Variants in LRRC18 observed in about 807,000 individuals in gnomAD.
LRRC18 encodes leucine rich repeat containing 18.
Under a neutral mutation model 11.2 loss-of-function variants are expected in LRRC18, and 12 were observed. The observed-to-expected ratio is 1.07, with a 90% CI of 0.69 to 1.74. The LOEUF (loss-of-function observed/expected upper bound fraction) is 1.74, where lower values mean the gene tolerates loss of function less well. Among genes scored for constraint, LRRC18 ranks in the 40% most tolerant of loss-of-function variants. LRRC18 has a pLI of 0.00. For synonymous variants in LRRC18, 155 were observed against 130.6 expected, an observed-to-expected ratio of 1.19 and a Z score of -1.27; for missense variants, 374 against 330.5, an observed-to-expected ratio of 1.13 and a Z score of -1.02.
At chr10:48,925,844 A>G in the LRRC18 span, among the ~76,000 whole-genome samples, 1 of 152,164 alleles carries the variant, frequency 6.6e-6, no homozygotes, top group Non-Finnish European at 1.5e-5. Flanking sequence ...TCATGGTACC[A>G]AAGTAATTGC....
chr10:48,913,544 C>T lies in LRRC18; in HGVS notation c.612G>A (p.Lys204=), dbSNP rs754530174. Residue 204 remains lysine (K), a synonymous_variant, in exon 1 of 2, where the codon AAG becomes AAA. Coordinates refer to ENST00000374160, the Ensembl canonical transcript of LRRC18. ...TTCTCAGGCAAGCCGCACACAGATC[C>T]TTCTCCTCCACAACATACAAGTTCT... The T allele has an allele frequency of 6.2e-6, 10 of 1,614,000 alleles. No individual in the cohort carries two copies. In the Admixed American group the frequency reaches 1.5e-4, roughly 24 times the overall value.
At chr10:48,923,186 A>G in the LRRC18 span, among the ~76,000 whole-genome samples, 1 of 152,130 alleles carries the variant, frequency 6.6e-6, no homozygotes, top group African/African-American at 2.4e-5. Context: ...TGCCCCTGAA[A>G]GGGCATCCAA....
chr10:48,915,674 C>A (rs1468631107), upstream of LRRC18, among the ~76,000 whole-genome samples: 1 of 152,178 alleles, frequency 6.6e-6, no homozygotes, highest in African/African-American at 2.4e-5. Context: ...CTGTCTCACA[C>A]CTACTGAAAA....
At chr10:48,934,503 TAA>T in the LRRC18 span, among the ~76,000 whole-genome samples, 1 of 152,204 alleles carries the variant, frequency 6.6e-6, no homozygotes, top group African/African-American at 2.4e-5. Flanking sequence ...ATACCTGTCA[TAA>T]AAGTTGGGTC....
the LRRC18 span, among the ~76,000 whole-genome samples, chr10:48,931,183 T>C: frequency 2.0e-5 from 3 of 152,132 alleles, no homozygotes; most frequent in African/African-American, 7.2e-5. Context: ...AGTTATTCAC[T>C]GGAGCTAGAT....
the LRRC18 span, among the ~76,000 whole-genome samples, chr10:48,925,388 C>T: frequency 6.6e-6 from 1 of 152,154 alleles, no homozygotes; most frequent in Non-Finnish European, 1.5e-5. Context: ...TGTTGGGAAC[C>T]TCTGGGCAGG....
At chr10:48,938,472 C>T in the LRRC18 span, among the ~76,000 whole-genome samples, 7 of 152,266 alleles carry the variant, frequency 4.6e-5, no homozygotes, top group African/African-American at 1.7e-4. Flanking sequence ...CCACAGGCTG[C>T]TCTGCCAGCC....
the LRRC18 span, among the ~76,000 whole-genome samples, chr10:48,925,450 C>T: frequency 2.6e-5 from 4 of 152,176 alleles, no homozygotes; most frequent in African/African-American, 9.7e-5. Flanking sequence ...GAGAATTACC[C>T]CTTGTCCAAA....
chr10:48,929,423 G>A, the LRRC18 span, among the ~76,000 whole-genome samples: 2 of 152,202 alleles, frequency 1.3e-5, no homozygotes, highest in African/African-American at 4.8e-5. Context: ...CCAGGCCAGT[G>A]AGTGTGGGCA....
At chr10:48,910,003 C>T (rs1239684109) in exon 2 of LRRC18, 1 of 537,106 alleles carries the variant, frequency 1.9e-6, no homozygotes, top group Non-Finnish European at 3.3e-6. Context: ...TTTCTATATA[C>T]ATTTTAAAAA....
the LRRC18 span, among the ~76,000 whole-genome samples, chr10:48,931,950 A>T: frequency 6.6e-6 from 1 of 152,232 alleles, no homozygotes; most frequent in African/African-American, 2.4e-5. Context: ...CATGTTAGTC[A>T]TGCCGGCTGT....
At chr10:48,923,293 A>G in the LRRC18 span, among the ~76,000 whole-genome samples, 1 of 151,916 alleles carries the variant, frequency 6.6e-6, no homozygotes, top group Non-Finnish European at 1.5e-5. Context: ...AGATGTTCGC[A>G]AGCTGGCATG....
the LRRC18 span, among the ~76,000 whole-genome samples, chr10:48,934,725 G>A: frequency 2.9e-3 from 443 of 152,344 alleles, 6 homozygotes; most frequent in African/African-American, 0.01. Flanking sequence ...GGACCCTCCT[G>A]AACGAAGAAG....
the LRRC18 span, among the ~76,000 whole-genome samples, chr10:48,939,050 C>T: frequency 1.3e-5 from 2 of 152,222 alleles, no homozygotes; most frequent in African/African-American, 2.4e-5. Flanking sequence ...TAGCTCAATG[C>T]AGGCACCCAG....
chr10:48,926,536 C>T, the LRRC18 span, among the ~76,000 whole-genome samples: 2 of 152,152 alleles, frequency 1.3e-5, no homozygotes, highest in African/African-American at 4.8e-5. Flanking sequence ...TGCAGATGTT[C>T]CACTGACCTT....
the LRRC18 span, among the ~76,000 whole-genome samples, chr10:48,929,856 G>A: frequency 1.3e-5 from 2 of 152,262 alleles, no homozygotes; most frequent in Non-Finnish European, 2.9e-5. Flanking sequence ...CATCAGACTT[G>A]ACAACTCTTC....
At chr10:48,918,913 A>G (rs926673685), upstream of LRRC18, among the ~76,000 whole-genome samples, 2 of 152,242 alleles carry the variant, frequency 1.3e-5, no homozygotes, top group African/African-American at 4.8e-5. Context: ...ACTGAGGAGC[A>G]AAATTGCCTG....
At chr10:48,913,080 G>A (rs1838153209) in intron 1 of LRRC18, among the ~76,000 whole-genome samples, 2 of 152,164 alleles carry the variant, frequency 1.3e-5, no homozygotes, top group South Asian at 4.1e-4. Context: ...TAGCTGCTTA[G>A]GCCACAGTGG....
At chr10:48,920,660 A>G in the LRRC18 span, among the ~76,000 whole-genome samples, 1 of 152,242 alleles carries the variant, frequency 6.6e-6, no homozygotes, top group Non-Finnish European at 1.5e-5. Flanking sequence ...TGGAAATTCT[A>G]ACCAGTGCAA....
Sources: allele counts gnomAD v4.1 joint callset (sites outside exome capture counted in the v4.1 genomes callset), GRCh38; gene constraint gnomAD v4.1.1; transcripts MANE v1.5; gene names NCBI Gene and HGNC (gene_info 2026-07-23, HGNC 2026-07-21).